PTPRS: variants seen among roughly 807,000 people sequenced by gnomAD.
PTPRS encodes the protein protein tyrosine phosphatase receptor type S.
PTPRS carries 63 observed loss-of-function variants against 215.3 expected under a neutral mutation model. The observed-to-expected ratio is 0.29, with a 90% CI of 0.24 to 0.36. The LOEUF (loss-of-function observed/expected upper bound fraction) is 0.36, where lower values mean the gene tolerates loss of function less well. Ranked by LOEUF, PTPRS falls within the 10% of genes least tolerant of loss-of-function variation. The pLI, the probability that PTPRS is intolerant of heterozygous loss-of-function variation, is 1.00. For missense variants in PTPRS, 2,258 were observed against 2,825.8 expected (o/e 0.80, Z 4.56); for synonymous variants, 1,404 against 1,191.4 (o/e 1.18, Z -3.68).
At chr19:5,239,417 A>G (rs534274601) in intron 12 of PTPRS, among the ~76,000 whole-genome samples, 1 of 151,800 alleles carries the variant, frequency 6.6e-6, no homozygotes, top group African/African-American at 2.4e-5. Flanking sequence ...ATAGAGACAG[A>G]GAAACAAAGG....
At chr19:5,297,473 C>G (rs894109711) in intron 1 of PTPRS, among the ~76,000 whole-genome samples, 1 of 152,206 alleles carries the variant, frequency 6.6e-6, no homozygotes, top group Admixed American at 6.5e-5. Flanking sequence ...ATGGAACCAG[C>G]ACTCCTGCCC....
intron 2 of PTPRS, among the ~76,000 whole-genome samples, chr19:5,276,940 C>T (rs544042561): frequency 6.6e-6 from 1 of 152,108 alleles, no homozygotes; most frequent in African/African-American, 2.4e-5. Context: ...TCCTTTTTAT[C>T]GACTATTTTT....
Position 5,294,581 on chromosome 19 carries a change from C to CCATG in PTPRS, c.-94-8348_-94-8347insCATG, listed in dbSNP as rs2049071231. On this transcript the variant is annotated intron_variant, in intron 1 of 37. Transcript: ENST00000262963. This position sits in a 1 kb window ranked among gnomAD's most constrained non-coding sequence, Gnocchi z 5.1. The stretch of plus-strand genomic sequence containing the variant: ...AGAGCCCAGCAGAAACAATTCCGCT[C>CCATG]CCACGGCTCCCGTCCATGCCCTCCC... 1 of 152,158 alleles carries CCATG rather than the reference C, an allele frequency of 6.6e-6. No homozygotes were observed. Among genetic ancestry groups the CCATG allele is most frequent in the African/African-American group, 2.4e-5 (1 of 41,428 alleles). The allele number at this position is 152,158 out of a possible 1,614,324, so 9.4% of individuals were successfully genotyped here.
Position 5,214,563 on chromosome 19 carries a change from G to A in PTPRS, c.4492C>T (p.Arg1498Trp), listed in dbSNP as rs1205787412. ...VMMTRLEEKS[R>W]IKCDQYWPNR... Reference sequence around the variant, plus strand: ...GGGCCGTGGGGTCCAAGGCTCACCCGTGACTTCTCCTCCAGCCGCGTCATC... The same window carrying A: ...GGGCCGTGGGGTCCAAGGCTCACCCATGACTTCTCCTCCAGCCGCGTCATC... The change falls in exon 29 of 38, where the codon CGG (arginine) becomes TGG (tryptophan). Residue 1498 changes from arginine to tryptophan, a missense_variant and splice_region_variant. Around this residue, in one of 6 missense-constraint regions of PTPRS, gnomAD observed 927 missense variants for 1,125.9 expected, o/e 0.82. Coordinates refer to ENST00000262963, the MANE Select transcript of PTPRS (RefSeq NM_002850.4). The A allele has an allele frequency of 1.2e-6, 2 of 1,611,302 alleles. No individual in the cohort carries two copies. Among genetic ancestry groups the A allele is most frequent in the Non-Finnish European group, 1.7e-6 (2 of 1,178,332 alleles).
chr19:5,324,600 T>C (rs1007532256), intron 1 of PTPRS, among the ~76,000 whole-genome samples: 10 of 152,286 alleles, frequency 6.6e-5, no homozygotes, highest in Non-Finnish European at 1.2e-4. Context: ...GGCCCCCAGG[T>C]GTGTCAGGAT....
chr19:5,247,114 A>G (rs952987597), intron 9 of PTPRS, among the ~76,000 whole-genome samples: 8 of 151,928 alleles, frequency 5.3e-5, no homozygotes, highest in African/African-American at 1.7e-4. Flanking sequence ...TCAATGCTGC[A>G]TATTAATTCT....
chr19:5,220,978 C>A (rs369053449), intron 20 of PTPRS, 22 bp downstream of exon 20: 2 of 1,583,928 alleles, frequency 1.3e-6, no homozygotes, highest in Non-Finnish European at 1.7e-6. Flanking sequence ...ACAAGGAACC[C>A]GGAGCATGGG....
intron 30 of PTPRS, among the ~76,000 whole-genome samples, chr19:5,213,635 A>G (rs371585612): frequency 1.6e-3 from 89 of 54,230 alleles, no homozygotes; most frequent in African/African-American, 4.2e-3. Flanking sequence ...GGAGTGAGAT[A>G]TAACATATGC....
intron 9 of PTPRS, among the ~76,000 whole-genome samples, chr19:5,253,465 G>A (rs990106099): frequency 6.6e-6 from 1 of 152,176 alleles, no homozygotes; most frequent in African/African-American, 2.4e-5. Flanking sequence ...ATCTCTTCTG[G>A]TGGGCTGGTA....
Position 5,286,193 on chromosome 19 carries a change from C to G in PTPRS, c.-53G>C, listed in dbSNP as rs1275544468. ...CTGGAGGGGGATGGCCCCCCGGTCC[C>G]TCACAGAGAGGCCTCGAGCCGAGCG... On this transcript the variant is annotated 5_prime_UTR_variant, in exon 2 of 38. Coordinates refer to ENST00000262963, the MANE Select transcript of PTPRS (RefSeq NM_002850.4). 2 of 1,596,866 alleles carry G rather than the reference C, an allele frequency of 1.3e-6. No individual in the cohort carries two copies. The highest frequency in any genetic ancestry group is 1.1e-5 in the South Asian group (1 of 89,344).
At chr19:5,316,931 G>T (rs1309158029) in intron 1 of PTPRS, among the ~76,000 whole-genome samples, 1 of 152,156 alleles carries the variant, frequency 6.6e-6, no homozygotes, top group African/African-American at 2.4e-5. Context: ...CCCACGGGCG[G>T]CTGCCCCACT....
Position 5,210,731 on chromosome 19 carries a change from T to C in PTPRS, c.5309A>G (p.Glu1770Gly). 2.5e-6 allele frequency: 4 copies of C among 1,614,176 alleles called. No homozygotes were observed. Among genetic ancestry groups the C allele is most frequent in the Non-Finnish European group, 3.4e-6 (4 of 1,180,028 alleles). Residue 1770 changes from glutamate (E) to glycine (G), a missense_variant, in exon 34 of 38, where the codon GAG becomes GGG. Around this residue, in one of 6 missense-constraint regions of PTPRS, gnomAD observed 927 missense variants for 1,125.9 expected, o/e 0.82. Transcript: ENST00000262963. The surrounding 1 kb of genome is among the most constrained non-coding windows in gnomAD (Gnocchi z 4.5). Reference protein sequence around the residue: ...TTEDFWRMLWENNSTIVVMLT... With the variant: ...TTEDFWRMLWGNNSTIVVMLT... ...CATCACCACGATCGTCGAATTGTTC[T>C]CCCACAGCATGCGCCAGAAGTCTTC...
At chr19:5,303,219 C>T (rs561387353) in intron 1 of PTPRS, among the ~76,000 whole-genome samples, 68 of 152,294 alleles carry the variant, frequency 4.5e-4, no homozygotes, top group African/African-American at 1.5e-3. Flanking sequence ...CATCTAAGCA[C>T]CAGGGAAAAT....
At position 5,264,995 on chromosome 19, in the gene PTPRS, C is replaced by T. The variant is rs780554836; in HGVS notation, c.568+13G>A. ...TCCAAGGCTCCCACGTCCTGTCAGC[C>T]ACCCTCACTCACCTGATCGCAGCTG... On this transcript the variant is annotated intron_variant, in intron 5 of 37. Coordinates refer to ENST00000262963, the MANE Select transcript of PTPRS (RefSeq NM_002850.4). 28 of 1,613,176 alleles carry T rather than the reference C, an allele frequency of 1.7e-5. 1 individual carries two copies. In the South Asian group the frequency reaches 3.1e-4, roughly 18 times the overall value.
intron 17 of PTPRS, among the ~76,000 whole-genome samples, chr19:5,224,907 C>T (rs1055669230): frequency 3.3e-5 from 5 of 151,950 alleles, no homozygotes; most frequent in African/African-American, 4.8e-5. Context: ...CAAGGGTCCC[C>T]GAGGAGAGGG....
intron 14 of PTPRS, among the ~76,000 whole-genome samples, chr19:5,230,455 G>C (rs1269710692): frequency 6.6e-6 from 1 of 152,126 alleles, no homozygotes; most frequent in African/African-American, 2.4e-5. Context: ...GTGCCACCAT[G>C]CTCAGCTAAT....
intron 30 of PTPRS, among the ~76,000 whole-genome samples, chr19:5,212,781 T>G (rs1317189661): frequency 6.6e-6 from 1 of 151,316 alleles, no homozygotes; most frequent in Non-Finnish European, 1.5e-5. Context: ...AGGTGGAGAT[T>G]GCAGTGAGCT....
At chr19:5,333,944 G>T (rs952337787) in intron 1 of PTPRS, among the ~76,000 whole-genome samples, 3 of 152,180 alleles carry the variant, frequency 2.0e-5, no homozygotes, top group Non-Finnish European at 2.9e-5. Flanking sequence ...TCAAATGACT[G>T]CTGTTAAACC....
rs780225449 is a variant in PTPRS, at chr19:5,214,678, G to A, written c.4377C>T (p.Asn1459=). The A allele has an allele frequency of 2.7e-5, 43 of 1,612,904 alleles. No homozygotes were observed. Among genetic ancestry groups the A allele is most frequent in the Admixed American group, 2.2e-4 (13 of 60,008 alleles). The part of the protein sequence containing the change: ...ANYVDGYRCQ[N]AYIATQGPLP... ...GCGGCCCCTGCGTGGCAATGTACGC[G>A]TTCTGACACCGGTAGCCGTCCACGT... Residue 1459 remains asparagine (N), a synonymous_variant, in exon 29 of 38, where the codon AAC becomes AAT. Transcript: ENST00000262963.
Sources: gnomAD v4.1 joint callset for allele counts (sites outside exome capture counted in the v4.1 genomes callset) on GRCh38, gnomAD v4.1.1 for gene constraint, gnomAD v4.1.1 regional missense constraint, Gnocchi (gnomAD v3.1) non-coding constraint, MANE v1.5 for transcripts, NCBI Gene and HGNC (gene_info 2026-07-23, HGNC 2026-07-21) for gene names.